POLR3B: variants seen among roughly 807,000 people sequenced by gnomAD.
The protein encoded by POLR3B is RNA polymerase III subunit B.
POLR3B carries 96 observed loss-of-function variants against 147.4 expected under a neutral mutation model. The observed-to-expected ratio is 0.65, with a 90% CI of 0.55 to 0.77. The LOEUF is 0.77. Among genes scored for constraint, POLR3B ranks in the 30% least tolerant of loss-of-function variants. The pLI, the probability that POLR3B is intolerant of heterozygous loss-of-function variation, is 0.00. For synonymous variants in POLR3B, 461 were observed against 485.9 expected (o/e 0.95, Z 0.67); for missense variants, 1,036 against 1,413.5 (o/e 0.73, Z 4.28).
At chr12:106,490,434 C>A (rs760038016) in intron 23 of POLR3B, among the ~76,000 whole-genome samples, 1 of 152,174 alleles carries the variant, frequency 6.6e-6, no homozygotes, top group Admixed American at 6.5e-5. Context: ...TGTCTTCTAG[C>A]GCCTCCTCTC....
intron 19 of POLR3B, among the ~76,000 whole-genome samples, chr12:106,448,998 A>G (rs1233879856): frequency 6.6e-6 from 1 of 152,034 alleles, no homozygotes; most frequent in Non-Finnish European, 1.5e-5. Flanking sequence ...CCTCGAAGTC[A>G]GGAGCTCCGT....
intron 12 of POLR3B, among the ~76,000 whole-genome samples, chr12:106,426,656 A>G (rs1392025822): frequency 1.3e-5 from 2 of 152,140 alleles, no homozygotes; most frequent in African/African-American, 2.4e-5. Flanking sequence ...ATTACTACAC[A>G]TGCTAAAGTT....
intron 6 of POLR3B, among the ~76,000 whole-genome samples, chr12:106,372,825 A>G (rs1447740618): frequency 6.6e-6 from 1 of 152,022 alleles, no homozygotes; most frequent in Non-Finnish European, 1.5e-5. Context: ...TACTGTAGTA[A>G]CTGAAATATT....
intron 25 of POLR3B, among the ~76,000 whole-genome samples, chr12:106,498,400 G>T (rs1034277471): frequency 2.0e-5 from 3 of 152,182 alleles, no homozygotes; most frequent in African/African-American, 7.2e-5. Context: ...TGCAATGATC[G>T]TGAATGACAA....
At chr12:106,427,623 C>G (rs2037456314) in intron 13 of POLR3B, among the ~76,000 whole-genome samples, 1 of 152,112 alleles carries the variant, frequency 6.6e-6, no homozygotes, top group Admixed American at 6.5e-5. Context: ...TGTTAATAAC[C>G]ATTCTTTTAA....
At chr12:106,378,931 T>A (rs1259447286) in intron 8 of POLR3B, among the ~76,000 whole-genome samples, 1 of 152,226 alleles carries the variant, frequency 6.6e-6, no homozygotes, top group Non-Finnish European at 1.5e-5. Flanking sequence ...ATATGGAGGT[T>A]AATGAGTTCT....
At chr12:106,482,268 G>C (rs1035616028) in intron 23 of POLR3B, among the ~76,000 whole-genome samples, 1 of 152,108 alleles carries the variant, frequency 6.6e-6, no homozygotes, top group African/African-American at 2.4e-5. Context: ...AAAAATAATT[G>C]TATATGTTGT....
At chr12:106,414,246 A>C (rs1319174097) in intron 12 of POLR3B, among the ~76,000 whole-genome samples, 1 of 143,288 alleles carries the variant, frequency 7.0e-6, no homozygotes. Context: ...AAAAAATTCC[A>C]ATCAGTGAAA....
chr12:106,401,084 C>A (rs530604394), intron 10 of POLR3B, among the ~76,000 whole-genome samples: 1 of 152,016 alleles, frequency 6.6e-6, no homozygotes, highest in South Asian at 2.1e-4. Context: ...GCTAGCAAGA[C>A]TAATAAAGAA....
Position 106,376,436 on chromosome 12 carries a change from G to A in POLR3B, c.482G>A (p.Cys161Tyr). The change falls in exon 7 of 28, where the codon TGT (cysteine) becomes TAT (tyrosine). Residue 161 changes from cysteine to tyrosine, a missense_variant. Cys to Tyr is a radical substitution (Grantham distance 194, BLOSUM62 -2). Around this residue, in one of 12 missense-constraint regions of POLR3B, gnomAD observed 217 missense variants for 288.7 expected, o/e 0.75. Coordinates refer to ENST00000228347, the MANE Select transcript of POLR3B (RefSeq NM_018082.6). Reference sequence around the variant, plus strand: ...GCAGAATTTGCCAAACTGAACGAATGTCCCTTAGATCCAGGTATGTGTGAA... The same window carrying A: ...GCAGAATTTGCCAAACTGAACGAATATCCCTTAGATCCAGGTATGTGTGAA... ...TPAEFAKLNE[C>Y]PLDPGGYFIV... The A allele has an allele frequency of 4.3e-6, 7 of 1,610,816 alleles. No individual in the cohort carries two copies. Among genetic ancestry groups the A allele is most frequent in the Non-Finnish European group, 5.9e-6 (7 of 1,177,446 alleles).
At chr12:106,460,985 C>T (rs1312520504) in intron 22 of POLR3B, among the ~76,000 whole-genome samples, 1 of 152,224 alleles carries the variant, frequency 6.6e-6, no homozygotes, top group East Asian at 1.9e-4. Context: ...TGTTACCTTC[C>T]GCTTGCTCCC....
rs540638082 is a variant in POLR3B, at chr12:106,443,667, G to A, written c.1956-796G>A. ...AGAGTAGCTGGGATTATAGGTGCCC[G>A]CCACCATGCCTGGCTAATTTTTTGT... On this transcript the variant is annotated intron_variant, in intron 18 of 27. Coordinates refer to ENST00000228347, the MANE Select transcript of POLR3B (RefSeq NM_018082.6). 1.3e-4 allele frequency among the ~76,000 whole-genome samples: 20 copies of A among 151,160 alleles called. No homozygotes were observed. The East Asian group carries it at 1.8e-3, about 13-fold the overall frequency.
chr12:106,496,928 C>T lies in POLR3B; in HGVS notation c.2984+10C>T, dbSNP rs201400471. 1.3e-5 allele frequency: 21 copies of T among 1,611,562 alleles called. No individual in the cohort carries two copies. Among genetic ancestry groups the T allele is most frequent in the Middle Eastern group, 1.7e-4 (1 of 6,058 alleles). Reference sequence around the variant, plus strand: ...CATCCGGCATCACAGGGTAAGCATGCGATTGAGCTATTTTAAAGAAAAAGA... The same window carrying T: ...CATCCGGCATCACAGGGTAAGCATGTGATTGAGCTATTTTAAAGAAAAAGA... On this transcript the variant is annotated intron_variant, in intron 25 of 27. Transcript: ENST00000228347.
In POLR3B at chr12:106,366,453, GC is replaced by G; in HGVS notation, c.106-62del. On this transcript the variant is annotated intron_variant, in intron 2 of 27. Coordinates refer to ENST00000228347, the MANE Select transcript of POLR3B (RefSeq NM_018082.6). The stretch of plus-strand genomic sequence containing the variant: ...TTCCATTATATGATCTATTATTTGA[GC>G]ATATCATCAGTACTCTTTGCACTTT... The G allele has an allele frequency of 4.0e-6, 4 of 988,546 alleles. No individual in the cohort carries two copies. In the Admixed American group the frequency reaches 5.3e-5, roughly 13 times the overall value. 61.2% of individuals were successfully genotyped at this position (988,546 alleles called of 1,614,324 possible). A position where few individuals can be genotyped will look rare whatever the true frequency, so the allele number is the denominator to read the frequency against.
intron 1 of POLR3B, among the ~76,000 whole-genome samples, chr12:106,360,925 G>C (rs1565871280): frequency 6.6e-6 from 1 of 152,308 alleles, no homozygotes; most frequent in South Asian, 2.1e-4. Context: ...TATTACAAAT[G>C]GTAGCTAGGA....
intron 9 of POLR3B, among the ~76,000 whole-genome samples, chr12:106,388,906 C>A (rs1292909662): frequency 1.3e-5 from 2 of 152,140 alleles, no homozygotes; most frequent in African/African-American, 4.8e-5. Context: ...AGACCTCATG[C>A]CACTTTTTAT....
In POLR3B at chr12:106,402,915, T is replaced by C. The variant is rs537476834; in HGVS notation, c.847-2942T>C. On this transcript the variant is annotated intron_variant, in intron 10 of 27. Coordinates refer to ENST00000228347, the MANE Select transcript of POLR3B (RefSeq NM_018082.6). ...TAGGCATGGGCAGGGACTTCATGTC[T>C]AAAACACCAAAAGCAATGGCAACAA... Among the ~76,000 whole-genome samples, 439 of 152,246 alleles carry C rather than the reference T, an allele frequency of 2.9e-3. 1 individual carries two copies. Among genetic ancestry groups the C allele is most frequent in the Middle Eastern group, 0.01 (3 of 294 alleles).
intron 18 of POLR3B, among the ~76,000 whole-genome samples, chr12:106,442,160 A>G (rs1319485386): frequency 6.6e-6 from 1 of 151,456 alleles, no homozygotes; most frequent in Non-Finnish European, 1.5e-5. Flanking sequence ...TAAAGAGAAT[A>G]ATTTTTTTTT....
At chr12:106,429,342 G>T (rs972690144) in intron 13 of POLR3B, among the ~76,000 whole-genome samples, 13 of 152,046 alleles carry the variant, frequency 8.6e-5, no homozygotes, top group Non-Finnish European at 1.6e-4. Context: ...GTTTTGCCAC[G>T]TTGGCAGGCT....
Sources: allele counts gnomAD v4.1 joint callset (sites outside exome capture counted in the v4.1 genomes callset), GRCh38; gene constraint gnomAD v4.1.1; regional missense constraint gnomAD v4.1.1; transcripts MANE v1.5; gene names NCBI Gene and HGNC (gene_info 2026-07-23, HGNC 2026-07-21).